KPNA3: variants seen among roughly 807,000 people sequenced by gnomAD.
KPNA3 encodes the protein importin subunit alpha-4.
In KPNA3, 13 loss-of-function variants were observed where a neutral mutation model predicts 73.8. That is an observed-to-expected ratio of 0.18 (90% CI 0.11 to 0.28). KPNA3 has a LOEUF of 0.28. Ranked by LOEUF, KPNA3 falls within the 10% of genes least tolerant of loss-of-function variation. The probability of loss-of-function intolerance (pLI) is 1.00; values close to 1 mark genes in which losing one functional copy is unlikely to be tolerated. For missense variants in KPNA3, 360 were observed against 618.1 expected (o/e 0.58, Z 4.43); for synonymous variants, 186 against 206.9 (o/e 0.90, Z 0.87).
rs764204861 is a variant in KPNA3, at chr13:49,725,489, C to T, written c.396G>A (p.Gln132=). The part of the protein sequence containing the change: ...CLERDDNPSL[Q]FEAAWALTNI... ...TAGTTAATGCCCAAGCAGCTTCAAA[C>T]TGTAATGAAGGACTGTAAAAAAACA... Residue 132 remains glutamine, a synonymous_variant, in exon 7 of 17, where the codon CAG becomes CAA. Coordinates refer to ENST00000261667, the MANE Select transcript of KPNA3 (RefSeq NM_002267.4). 3.7e-6 allele frequency: 6 copies of T among 1,607,502 alleles called. No homozygotes were observed. The South Asian group carries it at 6.6e-5, about 18-fold the overall frequency.
At chr13:49,712,231 C>T (rs1225782175) in intron 10 of KPNA3, among the ~76,000 whole-genome samples, 1 of 152,110 alleles carries the variant, frequency 6.6e-6, no homozygotes, top group African/African-American at 2.4e-5. Context: ...ACCCTTCATA[C>T]CAAGATCCAG....
At chr13:49,732,214 G>A (rs1402382719) in intron 6 of KPNA3, among the ~76,000 whole-genome samples, 157 bp downstream of exon 6, 1 of 152,158 alleles carries the variant, frequency 6.6e-6, no homozygotes, top group Admixed American at 6.5e-5. Flanking sequence ...CTCTGGGTCT[G>A]CTAAATATGA....
chr13:49,704,139 C>G (rs1356435786), intron 15 of KPNA3, among the ~76,000 whole-genome samples: 2 of 151,966 alleles, frequency 1.3e-5, no homozygotes, highest in African/African-American at 4.8e-5. Flanking sequence ...GAAACCCTCC[C>G]GGCTGGGTGC....
At chr13:49,755,200 G>A (rs1954700251) in intron 1 of KPNA3, among the ~76,000 whole-genome samples, 1 of 152,148 alleles carries the variant, frequency 6.6e-6, no homozygotes, top group South Asian at 2.1e-4. Context: ...GGCTGGTTCT[G>A]TATTTGAAAA....
intron 10 of KPNA3, among the ~76,000 whole-genome samples, chr13:49,714,095 C>T (rs1232848661): frequency 6.6e-6 from 1 of 152,140 alleles, no homozygotes; most frequent in African/African-American, 2.4e-5. Context: ...AAGGAAAATT[C>T]ATAGCCTTAA....
At chr13:49,712,205 G>A (rs1472536963) in intron 10 of KPNA3, among the ~76,000 whole-genome samples, 2 of 152,124 alleles carry the variant, frequency 1.3e-5, no homozygotes, top group Non-Finnish European at 2.9e-5. Context: ...ATATGTGTAG[G>A]CTACAATGGA....
At chr13:49,743,177 C>T (rs899073967) in intron 2 of KPNA3, among the ~76,000 whole-genome samples, 1 of 151,406 alleles carries the variant, frequency 6.6e-6, no homozygotes, top group Admixed American at 6.6e-5. Flanking sequence ...ATGATATCCA[C>T]TAGTTTAATT....
At chr13:49,743,058 G>C (rs921966846) in intron 2 of KPNA3, among the ~76,000 whole-genome samples, 1 of 152,170 alleles carries the variant, frequency 6.6e-6, no homozygotes, top group African/African-American at 2.4e-5. Context: ...GAGGGATGTA[G>C]ATGGATAGTG....
intron 2 of KPNA3, among the ~76,000 whole-genome samples, chr13:49,743,086 C>A (rs3782930): frequency 0.43 from 64,792 of 151,832 alleles, 14,330 homozygotes; most frequent in South Asian, 0.59. Flanking sequence ...TTATTATCTG[C>A]ACTTTAGAAG....
chr13:49,783,962 T>A (rs1954961053), intron 1 of KPNA3, among the ~76,000 whole-genome samples: 1 of 152,180 alleles, frequency 6.6e-6, no homozygotes, highest in South Asian at 2.1e-4. Context: ...AAATCAAACT[T>A]CCAGTTTAGA....
In KPNA3 at chr13:49,754,620, CAA is replaced by C. The variant is rs3064501; in HGVS notation, c.70-7629_70-7628del. On this transcript the variant is annotated intron_variant, in intron 1 of 16. Transcript: ENST00000261667. ...AAAATTAATGAAAAGCTAGTTCTTT[CAA>C]AAAAAAAAAAAAATCAGCAGACTGG... Among the ~76,000 whole-genome samples the C allele has an allele frequency of 8.8e-3, 1,108 of 126,364 alleles. 6 individuals are homozygous for C. Among genetic ancestry groups the C allele is most frequent in the East Asian group, 0.015 (63 of 4,070 alleles). The allele number at this position is 126,364 out of a possible 152,430, so 82.9% of individuals were successfully genotyped here.
At chr13:49,757,787 C>T (rs975336875) in intron 1 of KPNA3, among the ~76,000 whole-genome samples, 2 of 152,128 alleles carry the variant, frequency 1.3e-5, no homozygotes, top group African/African-American at 4.8e-5. Context: ...ATCCTTCACG[C>T]TTAAACTGTG....
intron 1 of KPNA3, among the ~76,000 whole-genome samples, chr13:49,761,413 AT>A (rs1000248570): frequency 6.6e-6 from 1 of 152,094 alleles, no homozygotes; most frequent in Non-Finnish European, 1.5e-5. Context: ...TGGTTTTCGT[AT>A]TTTTTTGGTG....
At chr13:49,755,746 G>A (rs925121010) in intron 1 of KPNA3, among the ~76,000 whole-genome samples, 12 of 152,076 alleles carry the variant, frequency 7.9e-5, no homozygotes, top group Non-Finnish European at 1.2e-4. Context: ...AGCCGAGATC[G>A]TGCCACTGCA....
chr13:49,725,646 C>CTTTTT, intron 6 of KPNA3, 145 bp from the exon 7 acceptor site: 1 of 382,328 alleles, frequency 2.6e-6, no homozygotes, highest in Non-Finnish European at 4.6e-6. Flanking sequence ...GCCAACCCTA[C>CTTTTT]TTTTTTTTTT....
chr13:49,787,379 T>C (rs1439859465), intron 1 of KPNA3, among the ~76,000 whole-genome samples: 1 of 152,256 alleles, frequency 6.6e-6, no homozygotes, highest in Non-Finnish European at 1.5e-5. Flanking sequence ...ATTTCTGTGA[T>C]ATAGTCGATA....
At chr13:49,704,632 T>C (rs1954189284) in intron 15 of KPNA3, among the ~76,000 whole-genome samples, 1 of 152,052 alleles carries the variant, frequency 6.6e-6, no homozygotes, top group African/African-American at 2.4e-5. Flanking sequence ...GATAAACTAA[T>C]TTAAGGTTTA....
intron 2 of KPNA3, among the ~76,000 whole-genome samples, chr13:49,745,801 C>T (rs1053624518): frequency 1.3e-5 from 2 of 152,018 alleles, no homozygotes; most frequent in African/African-American, 4.8e-5. Context: ...CGGTGGCTCA[C>T]GCCTGTAATC....
intron 6 of KPNA3, among the ~76,000 whole-genome samples, chr13:49,726,529 G>A (rs117084765): frequency 1.6e-3 from 244 of 152,278 alleles, no homozygotes; most frequent in Middle Eastern, 3.4e-3. Context: ...TTCAGGATGG[G>A]AGTGAGGAGT....
Sources: allele counts gnomAD v4.1 joint callset (sites outside exome capture counted in the v4.1 genomes callset), GRCh38; gene constraint gnomAD v4.1.1; transcripts MANE v1.5; gene names NCBI Gene and HGNC (gene_info 2026-07-23, HGNC 2026-07-21).